NBEA: variants seen among roughly 807,000 people sequenced by gnomAD.
NBEA encodes the protein lysosomal-trafficking regulator 2.
NBEA carries 44 observed loss-of-function variants against 343.4 expected under a neutral mutation model. The observed-to-expected ratio is 0.13, with a 90% confidence interval of 0.10 to 0.16. NBEA has a LOEUF of 0.16. Ranked by LOEUF, NBEA falls within the 10% of genes least tolerant of loss-of-function variation. NBEA has a pLI of 1.00. For missense variants in NBEA, 2,555 were observed against 3,631.3 expected (o/e 0.70, Z 7.62); for synonymous variants, 1,175 against 1,238.7 (o/e 0.95, Z 1.08).
chr13:35,192,494 A>C (rs1314200430), intron 30 of NBEA, among the ~76,000 whole-genome samples: 2 of 152,024 alleles, frequency 1.3e-5, no homozygotes, highest in Non-Finnish European at 2.9e-5. Flanking sequence ...TATCAAAATT[A>C]CTACTTCCTT....
At chr13:35,281,921 T>C (rs2152811726) in intron 34 of NBEA, among the ~76,000 whole-genome samples, 1 of 152,100 alleles carries the variant, frequency 6.6e-6, no homozygotes, top group East Asian at 1.9e-4. Flanking sequence ...GTTATTTATT[T>C]ATTTATTTTG....
chr13:35,045,717 G>C (rs1221560139), intron 4 of NBEA, among the ~76,000 whole-genome samples: 1 of 151,314 alleles, frequency 6.6e-6, no homozygotes, highest in Admixed American at 6.6e-5. Flanking sequence ...TTTTTGTTTT[G>C]TTTTGTTTTG....
intron 48 of NBEA, among the ~76,000 whole-genome samples, chr13:35,624,065 TGTGTGTGTGTGTGTGA>T (rs1331309522): frequency 2.6e-5 from 4 of 151,630 alleles, no homozygotes; most frequent in African/African-American, 9.7e-5. Flanking sequence ...GGTGTGTGTG[TGTGTGTGTGTGTGTGA>T]GAATTGCATC....
chr13:35,109,169 G>A, intron 11 of NBEA, 121 bp from the exon 12 acceptor site: 4 of 864,026 alleles, frequency 4.6e-6, no homozygotes, highest in Non-Finnish European at 6.5e-6. Context: ...GAAAACAAAT[G>A]TTTATTTCAT....
chr13:35,445,205 C>T (rs2045934985), intron 39 of NBEA, among the ~76,000 whole-genome samples: 2 of 152,074 alleles, frequency 1.3e-5, no homozygotes, highest in Non-Finnish European at 2.9e-5. Flanking sequence ...TTTTTTCCCC[C>T]TCTTTACGTA....
At chr13:35,446,644 A>T (rs2046060681) in intron 39 of NBEA, among the ~76,000 whole-genome samples, 1 of 152,174 alleles carries the variant, frequency 6.6e-6, no homozygotes, top group Non-Finnish European at 1.5e-5. Context: ...CAGCTTTTAG[A>T]GAATATGAGG....
chr13:35,485,492 T>C (rs2076274536), intron 41 of NBEA, among the ~76,000 whole-genome samples: 1 of 152,132 alleles, frequency 6.6e-6, no homozygotes, highest in East Asian at 1.9e-4. Context: ...ATCCATGTTA[T>C]GGAAAATTCA....
intron 40 of NBEA, among the ~76,000 whole-genome samples, chr13:35,453,333 C>T (rs2046400208): frequency 1.3e-5 from 2 of 152,134 alleles, no homozygotes; most frequent in Non-Finnish European, 2.9e-5. Context: ...ATTCACATTT[C>T]TGTATTATAA....
chr13:35,514,879 G>A (rs1211693797), intron 41 of NBEA, among the ~76,000 whole-genome samples: 1 of 152,084 alleles, frequency 6.6e-6, no homozygotes, highest in Admixed American at 6.5e-5. Flanking sequence ...TCTTGTTCTG[G>A]CGGCATGACA....
In NBEA at chr13:35,418,649, A is replaced by G. The variant is rs565062950; in HGVS notation, c.6180-13620A>G. ...GAGTTTGAACAGAAAACAGATGATG[A>G]TATCCTAGATTGGTAACCTGGCACA... is the stretch of plus-strand genomic sequence containing the variant. On this transcript the variant is annotated intron_variant, in intron 38 of 58. Coordinates refer to ENST00000379939, the MANE Select transcript of NBEA (RefSeq NM_001385012.1). 3.3e-5 allele frequency among the ~76,000 whole-genome samples: 5 copies of G among 152,194 alleles called. No homozygotes were observed. The South Asian group carries it at 1.0e-3, about 32-fold the overall frequency.
rs547679262 is a variant in NBEA at position 34,981,721 on chromosome 13, C to G, written c.294+38607C>G. On this transcript the variant is annotated intron_variant, in intron 1 of 58. Coordinates refer to ENST00000379939, the MANE Select transcript of NBEA (RefSeq NM_001385012.1). ...CAATAAAACATTGGCCTGCACTTTT[C>G]TTTGTGGGAAGGTTTTTTTTTTTTA... Among the ~76,000 whole-genome samples, 24 of 149,050 alleles carry G rather than the reference C, an allele frequency of 1.6e-4. No homozygotes were observed. In the South Asian group the frequency reaches 5.1e-3, roughly 32 times the overall value.
chr13:34,981,871 A>C (rs2060367066), intron 1 of NBEA, among the ~76,000 whole-genome samples: 1 of 151,994 alleles, frequency 6.6e-6, no homozygotes, highest in Non-Finnish European at 1.5e-5. Flanking sequence ...CACTGTTCAT[A>C]AACATTTCTC....
chr13:34,976,662 T>TG (rs1440862329), intron 1 of NBEA, among the ~76,000 whole-genome samples: 2 of 150,432 alleles, frequency 1.3e-5, no homozygotes, highest in East Asian at 1.9e-4. Context: ...TTGTTTTTTT[T>TG]TTTTTTTCAT....
chr13:35,316,397 G>T (rs954186893), intron 36 of NBEA, among the ~76,000 whole-genome samples: 2 of 152,080 alleles, frequency 1.3e-5, no homozygotes, highest in South Asian at 2.1e-4. Flanking sequence ...TGAGAATGAT[G>T]GTTCCCAGCT....
intron 41 of NBEA, among the ~76,000 whole-genome samples, chr13:35,489,550 A>G (rs934897933): frequency 2.0e-5 from 3 of 151,922 alleles, no homozygotes; most frequent in Non-Finnish European, 4.4e-5. Context: ...ATTTTTTCCT[A>G]GCATTGTGTT....
intron 36 of NBEA, among the ~76,000 whole-genome samples, chr13:35,322,486 T>C (rs1356613197): frequency 6.6e-6 from 1 of 152,124 alleles, no homozygotes; most frequent in Non-Finnish European, 1.5e-5. Context: ...ATGAGCTGGG[T>C]ACCTCAGTTG....
chr13:35,475,910 C>G, intron 41 of NBEA: 1 of 1,614,130 alleles, frequency 6.2e-7, no homozygotes, highest in Non-Finnish European at 8.5e-7. Context: ...AGATAAAGCA[C>G]CACTTCAAAT....
rs117252971 is a variant in NBEA at position 35,138,516 on chromosome 13, A to G, written c.2337-3753A>G. On this transcript the variant is annotated intron_variant, in intron 17 of 58. Coordinates refer to ENST00000379939, the MANE Select transcript of NBEA (RefSeq NM_001385012.1). ...GCTCTGTCGCCCAGCTTGGAGTGCAATGATGCAATCTCCACCCACTGCAAC... is the reference window on the plus strand; with the variant it reads ...GCTCTGTCGCCCAGCTTGGAGTGCAGTGATGCAATCTCCACCCACTGCAAC... 5.8e-3 allele frequency among the ~76,000 whole-genome samples: 877 copies of G among 150,536 alleles called. 4 individuals carry two copies. Among genetic ancestry groups the G allele is most frequent in the Non-Finnish European group, 8.6e-3 (586 of 67,784 alleles).
intron 39 of NBEA, among the ~76,000 whole-genome samples, chr13:35,448,548 T>A (rs931969428): frequency 6.6e-6 from 1 of 152,230 alleles, no homozygotes; most frequent in Non-Finnish European, 1.5e-5. Context: ...TCAGGATTTA[T>A]GAGGGCTTGC....
Sources: gnomAD v4.1 joint callset for allele counts (sites outside exome capture counted in the v4.1 genomes callset) on GRCh38, gnomAD v4.1.1 for gene constraint, MANE v1.5 for transcripts, NCBI Gene and HGNC (gene_info 2026-07-23, HGNC 2026-07-21) for gene names.